Variants in RFX7 observed in about 807,000 individuals in gnomAD.
RFX7 encodes the protein regulatory factor X7.
In RFX7, 26 loss-of-function variants were observed where a neutral mutation model predicts 111.8. The observed-to-expected ratio is 0.23, with a 90% CI of 0.17 to 0.32. RFX7 has a LOEUF of 0.32. RFX7 is among the 10% of genes least tolerant of loss of function. RFX7 has a pLI of 1.00. For synonymous variants in RFX7, 624 were observed against 624.4 expected (o/e 1.00, Z 0.01); for missense variants, 1,573 against 1,772.9 (o/e 0.89, Z 2.02).
chr15:56,124,824 T>C (rs774168109), intron 5 of RFX7, among the ~76,000 whole-genome samples: 2 of 152,234 alleles, frequency 1.3e-5, no homozygotes, highest in Non-Finnish European at 2.9e-5. Flanking sequence ...TTTCATTGTA[T>C]TGATTGTTAT....
In RFX7 at chr15:56,094,333, G is replaced by T. The variant is rs1444568293; in HGVS notation, c.3395C>A (p.Ala1132Asp). 6.2e-7 allele frequency: 1 copy of T among 1,613,962 alleles called. No individual in the cohort carries two copies. Among genetic ancestry groups the T allele is most frequent in the Non-Finnish European group, 8.5e-7 (1 of 1,179,884 alleles). Residue 1132 changes from alanine to aspartate, a missense_variant, in exon 10 of 10, where the codon GCC becomes GAC. By Grantham distance (126) the Ala-to-Asp change is moderately radical. Coordinates refer to ENST00000559447, the MANE Select transcript of RFX7 (RefSeq NM_022841.7). ...TPVSPVQHQGATVNNTNKQEG... is the reference protein window; with the variant it reads ...TPVSPVQHQGDTVNNTNKQEG... ...CTGTTTGTTGGTGTTATTTACAGTGGCACCTTGATGCTGCACAGGAGAGAC... is the reference window on the plus strand; with the variant it reads ...CTGTTTGTTGGTGTTATTTACAGTGTCACCTTGATGCTGCACAGGAGAGAC...
At chr15:56,112,342 T>G (rs901628228) in intron 5 of RFX7, among the ~76,000 whole-genome samples, 6 of 130,984 alleles carry the variant, frequency 4.6e-5, no homozygotes, top group Non-Finnish European at 9.5e-5. Context: ...TGACCAGAAT[T>G]TATTTGGAAC....
chr15:56,159,447 A>T (rs1172432759), intron 3 of RFX7, among the ~76,000 whole-genome samples: 1 of 152,198 alleles, frequency 6.6e-6, no homozygotes, highest in East Asian at 1.9e-4. Context: ...ATTGAAGATT[A>T]TGTTACACAA....
In RFX7 at chr15:56,094,025, C is replaced by A. The variant is rs374524449; in HGVS notation, c.3703G>T (p.Ala1235Ser). ...TGCTTCTGAAGAGCGTTTGGGAAGG[C>A]TGTCTGCATCATGACTGTCAATGGA... ...SVPLTVMMQT[A>S]FPNALQKQAN... The change falls in exon 10 of 10, where the codon GCC (alanine) becomes TCC (serine). Residue 1235 changes from alanine to serine, a missense_variant. Physicochemically the swap from Ala to Ser is moderately conservative, Grantham distance 99. Coordinates refer to ENST00000559447, the MANE Select transcript of RFX7 (RefSeq NM_022841.7). 11 of 1,613,812 alleles carry A rather than the reference C, an allele frequency of 6.8e-6. No homozygotes were observed. The highest frequency in any genetic ancestry group is 9.3e-6 in the Non-Finnish European group (11 of 1,179,858).
intron 5 of RFX7, among the ~76,000 whole-genome samples, chr15:56,125,613 G>A (rs1180328836): frequency 4.3e-5 from 1 of 23,310 alleles, no homozygotes; most frequent in Non-Finnish European, 8.4e-5. Context: ...GTGTGTGAGT[G>A]TGTGTGTGTG....
chr15:56,173,270 C>T (rs1595985980), intron 3 of RFX7, among the ~76,000 whole-genome samples: 1 of 152,282 alleles, frequency 6.6e-6, no homozygotes, highest in East Asian at 1.9e-4. Flanking sequence ...TACCAGGGAT[C>T]TACAAGTGGC....
Position 56,141,566 on chromosome 15 carries a change from C to T in RFX7, c.401+1212G>A, listed in dbSNP as rs1277725451. ...TACAAGTTTACCTGATTTCTATAAC[C>T]TTTTACTGAATTCAAATTTGCTTCT... On this transcript the variant is annotated intron_variant, in intron 5 of 9. Coordinates refer to ENST00000559447, the MANE Select transcript of RFX7 (RefSeq NM_022841.7). Among the ~76,000 whole-genome samples, 5 of 149,410 alleles carry T rather than the reference C, an allele frequency of 3.3e-5. 1 individual carries two copies. The highest frequency in any genetic ancestry group is 1.2e-4 in the African/African-American group (5 of 40,172).
chr15:56,238,097 T>C (rs781776000), intron 2 of RFX7, among the ~76,000 whole-genome samples: 2 of 152,224 alleles, frequency 1.3e-5, no homozygotes, highest in Non-Finnish European at 2.9e-5. Context: ...TTTTCCACTG[T>C]AGCTGAAGGA....
intron 5 of RFX7, among the ~76,000 whole-genome samples, chr15:56,110,112 G>T (rs1341711046): frequency 7.5e-6 from 1 of 134,178 alleles, no homozygotes; most frequent in South Asian, 2.4e-4. Context: ...CCCCCCGCCC[G>T]GCCAGCCGCC....
chr15:56,228,770 C>A (rs778394972), intron 2 of RFX7, among the ~76,000 whole-genome samples: 1 of 152,112 alleles, frequency 6.6e-6, no homozygotes, highest in Admixed American at 6.5e-5. Flanking sequence ...GTAGTCCCCC[C>A]TCATTCTCGA....
chr15:56,097,109 C>T (rs567676031), intron 9 of RFX7, among the ~76,000 whole-genome samples: 2 of 152,048 alleles, frequency 1.3e-5, no homozygotes, highest in Non-Finnish European at 2.9e-5. Flanking sequence ...ATGAATAGTG[C>T]GGTTACCATG....
chr15:56,228,188 T>A (rs574197580), intron 2 of RFX7, among the ~76,000 whole-genome samples: 1 of 152,218 alleles, frequency 6.6e-6, no homozygotes, highest in African/African-American at 2.4e-5. Flanking sequence ...TATTTTTTTT[T>A]GGTATTTACC....
At chr15:56,134,516 T>C (rs1225669486) in intron 5 of RFX7, among the ~76,000 whole-genome samples, 1 of 152,078 alleles carries the variant, frequency 6.6e-6, no homozygotes, top group Non-Finnish European at 1.5e-5. Context: ...AACTGGCATT[T>C]CTTTCCTAAT....
upstream of RFX7, among the ~76,000 whole-genome samples, chr15:56,244,779 C>T (rs1207374518): frequency 2.0e-5 from 3 of 152,024 alleles, no homozygotes; most frequent in Non-Finnish European, 4.4e-5. Context: ...CCTTTGGAGC[C>T]CGTTGAACAC....
At chr15:56,143,112 CT>C (rs2141026425) in intron 4 of RFX7, among the ~76,000 whole-genome samples, 1 of 152,206 alleles carries the variant, frequency 6.6e-6, no homozygotes, top group South Asian at 2.1e-4. Context: ...TGCTCCATCC[CT>C]CCCCATGCAG....
intron 3 of RFX7, among the ~76,000 whole-genome samples, chr15:56,160,971 G>A (rs1354891119): frequency 5.9e-5 from 9 of 151,970 alleles, no homozygotes; most frequent in African/African-American, 1.9e-4. Context: ...TAGGGGGAGA[G>A]CAATTTTTAC....
At chr15:56,220,645 C>T (rs763568394) in intron 2 of RFX7, among the ~76,000 whole-genome samples, 3 of 152,124 alleles carry the variant, frequency 2.0e-5, no homozygotes, top group Admixed American at 2.0e-4. Flanking sequence ...TCTGTTTACT[C>T]TGTTGACAGT....
At chr15:56,205,799 T>C (rs546153962) in intron 2 of RFX7, among the ~76,000 whole-genome samples, 75 of 152,240 alleles carry the variant, frequency 4.9e-4, no homozygotes, top group Middle Eastern at 3.4e-3. Context: ...GTGAAAGTTA[T>C]TAAATGGAGG....
chr15:56,238,102 G>A (rs1167491367), intron 2 of RFX7, among the ~76,000 whole-genome samples: 1 of 152,132 alleles, frequency 6.6e-6, no homozygotes, highest in Non-Finnish European at 1.5e-5. Flanking sequence ...CACTGTAGCT[G>A]AAGGAACAAT....
Sources: gnomAD v4.1 joint callset for allele counts (sites outside exome capture counted in the v4.1 genomes callset) on GRCh38, gnomAD v4.1.1 for gene constraint, MANE v1.5 for transcripts, NCBI Gene and HGNC (gene_info 2026-07-23, HGNC 2026-07-21) for gene names.